The following PDE4B variants were observed in gnomAD, a reference collection of about 807,000 sequenced individuals.
The protein encoded by PDE4B is 3',5'-cyclic-AMP phosphodiesterase 4B.
Under a neutral mutation model 82.2 loss-of-function variants are expected in PDE4B, and 20 were observed. The observed-to-expected ratio is 0.24, with a 90% confidence interval of 0.17 to 0.35. The LOEUF (loss-of-function observed/expected upper bound fraction) is 0.35. Among genes scored for constraint, PDE4B ranks in the 10% least tolerant of loss-of-function variants. PDE4B has a pLI of 1.00. For synonymous variants in PDE4B, 320 were observed against 318.9 expected, an observed-to-expected ratio of 1.00 and a Z score of -0.04; for missense variants, 655 against 907.2, an observed-to-expected ratio of 0.72 and a Z score of 3.57.
In PDE4B at chr1:66,178,030, T is replaced by TAA. The variant is rs200574451; in HGVS notation, c.282-69419_282-69418dup. On this transcript the variant is annotated intron_variant, in intron 3 of 16. Coordinates refer to ENST00000341517, the MANE Select transcript of PDE4B (RefSeq NM_002600.4). The stretch of plus-strand genomic sequence containing the variant: ...TAGCCTCACAATGCCTACTATTCCT[T>TAA]AAAAAAAAAAAAGAAAAGACAATGA... Among the ~76,000 whole-genome samples the TAA allele has an allele frequency of 4.8e-3, 675 of 141,882 alleles. 6 individuals carry two copies. Among genetic ancestry groups the TAA allele is most frequent in the African/African-American group, 0.017 (644 of 38,924 alleles). 93.1% of individuals were successfully genotyped at this position (141,882 alleles called of 152,430 possible). A position where few individuals can be genotyped will look rare whatever the true frequency, so the allele number is the denominator to read the frequency against.
intron 3 of PDE4B, among the ~76,000 whole-genome samples, chr1:66,027,763 C>A (rs1653529048): frequency 1.3e-5 from 2 of 152,188 alleles, no homozygotes; most frequent in Non-Finnish European, 2.9e-5. Flanking sequence ...ACGGGGCAGT[C>A]AAATTTTAAA....
intron 1 of PDE4B, among the ~76,000 whole-genome samples, chr1:65,873,944 T>C (rs1419411901): frequency 6.6e-6 from 1 of 151,552 alleles, no homozygotes; most frequent in Non-Finnish European, 1.5e-5. Context: ...TTTTTTCCAA[T>C]TCTGTGAAGA....
chr1:66,192,761 G>A (rs1192658357), intron 3 of PDE4B, among the ~76,000 whole-genome samples: 1 of 152,000 alleles, frequency 6.6e-6, no homozygotes, highest in Non-Finnish European at 1.5e-5. Context: ...AAGTCTTAGG[G>A]TAATTTCTGA....
intron 7 of PDE4B, among the ~76,000 whole-genome samples, chr1:66,306,413 C>T (rs554147194): frequency 6.6e-6 from 1 of 152,100 alleles, no homozygotes; most frequent in East Asian, 1.9e-4. Context: ...AGACTCAACT[C>T]TAATTTATAA....
At chr1:66,218,363 T>C (rs572639875) in intron 3 of PDE4B, among the ~76,000 whole-genome samples, 3 of 152,200 alleles carry the variant, frequency 2.0e-5, no homozygotes, top group Non-Finnish European at 4.4e-5. Flanking sequence ...TGGTCCCAGG[T>C]GTTCACTGTG....
intron 3 of PDE4B, among the ~76,000 whole-genome samples, chr1:66,035,782 A>G (rs1359074331): frequency 6.6e-6 from 1 of 152,206 alleles, no homozygotes; most frequent in African/African-American, 2.4e-5. Flanking sequence ...CTTGGCTATA[A>G]TGAATATTGC....
chr1:65,911,999 C>CT (rs34473319), intron 1 of PDE4B, among the ~76,000 whole-genome samples: 24,605 of 151,776 alleles, frequency 0.16, 2,291 homozygotes, highest in Middle Eastern at 0.3. Flanking sequence ...GAGAAGCAGA[C>CT]TTTTTTTTAA....
chr1:66,321,982 C>T (rs1330498816), intron 7 of PDE4B, among the ~76,000 whole-genome samples: 1 of 152,054 alleles, frequency 6.6e-6, no homozygotes, highest in Non-Finnish European at 1.5e-5. Context: ...CAGATATAGA[C>T]CACTGGAACA....
At chr1:66,228,638 A>C (rs892943562) in intron 3 of PDE4B, among the ~76,000 whole-genome samples, 1 of 151,522 alleles carries the variant, frequency 6.6e-6, no homozygotes, top group African/African-American at 2.4e-5. Context: ...AAAAAAAAAA[A>C]AAAAACATGC....
chr1:66,366,014 A>G (rs1487461565), intron 13 of PDE4B, among the ~76,000 whole-genome samples: 1 of 152,200 alleles, frequency 6.6e-6, no homozygotes, highest in African/African-American at 2.4e-5. Context: ...TGGCAAATAC[A>G]ATATGTAAGG....
chr1:66,133,335 T>C (rs1645990901), intron 3 of PDE4B, among the ~76,000 whole-genome samples: 1 of 152,222 alleles, frequency 6.6e-6, no homozygotes, highest in African/African-American at 2.4e-5. Flanking sequence ...TGAAGAAATC[T>C]CAATGAATGT....
At chr1:66,249,671 G>A (rs1294812889) in intron 4 of PDE4B, among the ~76,000 whole-genome samples, 5 of 78,056 alleles carry the variant, frequency 6.4e-5, no homozygotes, top group East Asian at 3.3e-4. Context: ...CCCACCACCC[G>A]CCCCACCCCC....
At chr1:65,803,122 A>C (rs1392683638) in intron 1 of PDE4B, among the ~76,000 whole-genome samples, 1 of 152,184 alleles carries the variant, frequency 6.6e-6, no homozygotes, top group Non-Finnish European at 1.5e-5. Context: ...TGCTATACTC[A>C]TTCAAGATAT....
intron 3 of PDE4B, among the ~76,000 whole-genome samples, chr1:66,108,747 A>G (rs1232557403): frequency 3.3e-5 from 5 of 152,056 alleles, no homozygotes; most frequent in African/African-American, 1.2e-4. Flanking sequence ...ACATTATGGT[A>G]TCTATATATA....
At chr1:66,368,525 T>C (rs1158837503) in intron 15 of PDE4B, among the ~76,000 whole-genome samples, 3 of 152,220 alleles carry the variant, frequency 2.0e-5, no homozygotes, top group Non-Finnish European at 4.4e-5. Flanking sequence ...ATCTGACCTC[T>C]AATGTTCCTT....
chr1:65,884,716 G>A lies in PDE4B; in HGVS notation c.-70-28529G>A, dbSNP rs541056158. On this transcript the variant is annotated intron_variant, in intron 1 of 16. Coordinates refer to ENST00000341517, the MANE Select transcript of PDE4B (RefSeq NM_002600.4). ...CCTTATACAAAAATTAATTCAAGAT[G>A]GATTAAAGACTTGAATGTTAGACCT... is the stretch of plus-strand genomic sequence containing the variant. 8.9e-4 allele frequency among the ~76,000 whole-genome samples: 135 copies of A among 152,246 alleles called. 1 individual carries two copies. Among genetic ancestry groups the A allele is most frequent in the African/African-American group, 3.2e-3 (133 of 41,522 alleles).
chr1:66,312,046 C>A (rs1658710724), intron 7 of PDE4B, among the ~76,000 whole-genome samples: 1 of 152,238 alleles, frequency 6.6e-6, no homozygotes, highest in Admixed American at 6.5e-5. Context: ...TATTCTTCAT[C>A]AGGGATCTAT....
At chr1:65,826,694 A>T (rs1354705257) in intron 1 of PDE4B, among the ~76,000 whole-genome samples, 3 of 152,064 alleles carry the variant, frequency 2.0e-5, no homozygotes, top group Non-Finnish European at 4.4e-5. Flanking sequence ...CGTCTTGGGG[A>T]AAAAAACAGG....
chr1:66,348,727 C>T (rs1418588056), intron 8 of PDE4B, among the ~76,000 whole-genome samples: 2 of 150,468 alleles, frequency 1.3e-5, no homozygotes, highest in African/African-American at 4.9e-5. Context: ...TAACTAGGTG[C>T]CCCGAATTTT....
Sources: gnomAD v4.1 joint callset for allele counts (sites outside exome capture counted in the v4.1 genomes callset) on GRCh38, gnomAD v4.1.1 for gene constraint, MANE v1.5 for transcripts, NCBI Gene and HGNC (gene_info 2026-07-23, HGNC 2026-07-21) for gene names.